The following GNAI1 variants were observed in gnomAD, a reference collection of about 807,000 sequenced individuals.
GNAI1 encodes guanine nucleotide-binding protein G(i) subunit alpha-1.
In GNAI1, 11 loss-of-function variants were observed where a neutral mutation model predicts 38.9. The ratio of observed to expected loss-of-function variants is 0.28; its 90% CI spans 0.18 to 0.47. The LOEUF (loss-of-function observed/expected upper bound fraction) is 0.47, where lower values mean the gene tolerates loss of function less well. Among genes scored for constraint, GNAI1 ranks in the 20% least tolerant of loss-of-function variants. GNAI1 has a pLI of 0.99. For synonymous variants in GNAI1, 166 were observed against 145.1 expected, an observed-to-expected ratio of 1.14 and a Z score of -1.04; for missense variants, 317 against 436.9, an observed-to-expected ratio of 0.73 and a Z score of 2.45.
rs554753608 is a variant in GNAI1, at chr7:80,157,277, TTTGA to T, written c.118+22002_118+22005del. 2.1e-4 allele frequency among the ~76,000 whole-genome samples: 32 copies of T among 152,320 alleles called. No individual in the cohort carries two copies. The South Asian group carries it at 6.6e-3, about 32-fold the overall frequency. ...CACTTAAGTTTCCTCTATGTCATAGTTTGATTATTTATTTTTAGAGCTGAATAAT... is the reference window on the plus strand; with the variant it reads ...CACTTAAGTTTCCTCTATGTCATAGTTTATTTATTTTTAGAGCTGAATAAT... On this transcript the variant is annotated intron_variant, in intron 1 of 7. Coordinates refer to ENST00000649796, the MANE Select transcript of GNAI1 (RefSeq NM_002069.6).
At chr7:80,148,281 G>A (rs1029588327) in intron 1 of GNAI1, among the ~76,000 whole-genome samples, 17 of 152,094 alleles carry the variant, frequency 1.1e-4, no homozygotes, top group African/African-American at 4.1e-4. Context: ...TCTCTGGAAG[G>A]TTGTCAACTG....
chr7:80,199,088 G>T (rs1196097028), intron 3 of GNAI1, 137 bp from the exon 4 acceptor site: 1 of 577,490 alleles, frequency 1.7e-6, no homozygotes, highest in East Asian at 2.9e-5. Flanking sequence ...CTTAGAGAAA[G>T]AAAAGTAATG....
chr7:80,216,226 G>A (rs1433819275), intron 7 of GNAI1, among the ~76,000 whole-genome samples: 2 of 150,576 alleles, frequency 1.3e-5, no homozygotes, highest in Admixed American at 6.6e-5. Context: ...AAAGGTTAAT[G>A]TACCAGTATC....
chr7:80,175,485 G>T (rs957707154), intron 1 of GNAI1, among the ~76,000 whole-genome samples: 1 of 151,186 alleles, frequency 6.6e-6, no homozygotes, highest in Admixed American at 6.6e-5. Context: ...AAGATAGACC[G>T]ATGGATTTAA....
chr7:80,202,904 C>G (rs895830714), intron 4 of GNAI1, among the ~76,000 whole-genome samples: 1 of 152,164 alleles, frequency 6.6e-6, no homozygotes, highest in South Asian at 2.1e-4. Context: ...AGTGTCATTC[C>G]TTTTCTTCCA....
intron 1 of GNAI1, among the ~76,000 whole-genome samples, chr7:80,147,802 C>G (rs567888851): frequency 2.0e-5 from 3 of 152,304 alleles, no homozygotes; most frequent in Middle Eastern, 3.4e-3. Context: ...ATAGCTTCTA[C>G]TTTCATCATA....
intron 1 of GNAI1, among the ~76,000 whole-genome samples, chr7:80,165,378 T>G (rs1161937537): frequency 6.6e-6 from 1 of 152,194 alleles, no homozygotes; most frequent in Non-Finnish European, 1.5e-5. Flanking sequence ...TTGTTCTTTC[T>G]TTGTCATTTA....
chr7:80,142,336 A>G (rs1321302963), intron 1 of GNAI1, among the ~76,000 whole-genome samples: 1 of 152,222 alleles, frequency 6.6e-6, no homozygotes, highest in African/African-American at 2.4e-5. Flanking sequence ...TAAAAGCACC[A>G]GTTTCTTACA....
chr7:80,175,761 A>G (rs746774502), intron 1 of GNAI1, among the ~76,000 whole-genome samples: 14 of 152,134 alleles, frequency 9.2e-5, no homozygotes, highest in East Asian at 1.9e-4. Flanking sequence ...CTCTGCCCAC[A>G]TAAGACAAAG....
intron 1 of GNAI1, among the ~76,000 whole-genome samples, chr7:80,181,969 G>T (rs1314420668): frequency 6.6e-6 from 1 of 152,014 alleles, no homozygotes; most frequent in Non-Finnish European, 1.5e-5. Context: ...ATGTACAGTG[G>T]ATCTCTACAA....
chr7:80,215,485 A>C (rs1788943358), intron 7 of GNAI1, among the ~76,000 whole-genome samples: 1 of 152,224 alleles, frequency 6.6e-6, no homozygotes, highest in Non-Finnish European at 1.5e-5. Flanking sequence ...GTTAAAATGT[A>C]AACTTAAAGA....
chr7:80,188,824 C>T (rs1284630179), intron 1 of GNAI1, 127 bp from the exon 2 acceptor site: 5 of 652,264 alleles, frequency 7.7e-6, no homozygotes, highest in Non-Finnish European at 1.1e-5. Flanking sequence ...CAAAATTCAG[C>T]TCTAAGAGGT....
At chr7:80,214,925 T>C (rs1182874619) in intron 7 of GNAI1, among the ~76,000 whole-genome samples, 2 of 152,184 alleles carry the variant, frequency 1.3e-5, no homozygotes, top group African/African-American at 2.4e-5. Flanking sequence ...GAGCCTTAGA[T>C]TTACATTAGC....
chr7:80,141,932 C>G (rs1400819146), intron 1 of GNAI1, among the ~76,000 whole-genome samples: 1 of 152,182 alleles, frequency 6.6e-6, no homozygotes, highest in African/African-American at 2.4e-5. Flanking sequence ...TAACATGTTT[C>G]ACCTTTCTTC....
Position 80,139,863 on chromosome 7 carries a change from T to C in GNAI1, c.118+4585T>C, listed in dbSNP as rs1444481633. Among the ~76,000 whole-genome samples, 4 of 152,064 alleles carry C rather than the reference T, an allele frequency of 2.6e-5. No homozygotes were observed. In the East Asian group the frequency reaches 7.7e-4, roughly 29 times the overall value. ...TTGAGAAAATGATAATGGATATTCA[T>C]TGGAGGAGGATCTGCTATGTTGCAA... On this transcript the variant is annotated intron_variant, in intron 1 of 7. Coordinates refer to ENST00000649796, the MANE Select transcript of GNAI1 (RefSeq NM_002069.6).
chr7:80,212,746 G>T lies in GNAI1; in HGVS notation c.751G>T (p.Asp251Tyr). The T allele has an allele frequency of 6.5e-7, 1 of 1,543,842 alleles. No homozygotes were observed. Among genetic ancestry groups the T allele is most frequent in the South Asian group, 1.3e-5 (1 of 76,598 alleles). Residue 251 changes from aspartate to tyrosine, a missense_variant, in exon 7 of 8, where the codon GAC becomes TAC. Around this residue, in one of 5 missense-constraint regions of GNAI1, gnomAD observed 158 missense variants for 234.7 expected, o/e 0.67. Coordinates refer to ENST00000649796, the MANE Select transcript of GNAI1 (RefSeq NM_002069.6). ...NRMHESMKLF[D>Y]SICNNKWFTD... ...AATGCATGAAAGCATGAAATTGTTT[G>T]ACAGCATATGTAACAACAAGTGGTT...
intron 1 of GNAI1, among the ~76,000 whole-genome samples, chr7:80,166,306 T>A (rs1342957427): frequency 1.3e-5 from 2 of 152,140 alleles, no homozygotes; most frequent in Non-Finnish European, 2.9e-5. Flanking sequence ...GTGATATGAG[T>A]GCTCATAGAC....
chr7:80,220,931 AC>A lies in GNAI1; in HGVS notation c.*3439del, dbSNP rs1299351165. Among the ~76,000 whole-genome samples the A allele has an allele frequency of 6.6e-6, 1 of 152,144 alleles. No homozygotes were observed. The highest frequency in any genetic ancestry group is 6.5e-5 in the Admixed American group (1 of 15,268). Reference sequence around the variant, plus strand: ...GTTTTTCAGATTTAAAAAAGGAGATACTTATTAATGTCTTTCATCAGAGCTA... The same window carrying A: ...GTTTTTCAGATTTAAAAAAGGAGATATTATTAATGTCTTTCATCAGAGCTA... On this transcript the variant is annotated 3_prime_UTR_variant, in exon 8 of 8. Coordinates refer to ENST00000649796, the MANE Select transcript of GNAI1 (RefSeq NM_002069.6).
At position 80,217,391 on chromosome 7, in the gene GNAI1, C is replaced by A. The variant is rs1318547678; in HGVS notation, c.963C>A (p.Thr321=). The A allele has an allele frequency of 6.2e-7, 1 of 1,603,154 alleles. No individual in the cohort carries two copies. Among genetic ancestry groups the A allele is most frequent in the Non-Finnish European group, 8.5e-7 (1 of 1,171,818 alleles). The change falls in exon 8 of 8, where the codon ACC becomes ACA. Residue 321 remains threonine (T), a synonymous_variant. Transcript: ENST00000649796. The part of the protein sequence containing the change: ...NKRKDTKEIY[T]HFTCATDTKN... The stretch of plus-strand genomic sequence containing the variant: ...GAAAGGACACAAAGGAAATATACAC[C>A]CACTTCACATGTGCCACAGATACTA...
Sources: gnomAD v4.1 joint callset for allele counts (sites outside exome capture counted in the v4.1 genomes callset) on GRCh38, gnomAD v4.1.1 for gene constraint, gnomAD v4.1.1 regional missense constraint, MANE v1.5 for transcripts, NCBI Gene and HGNC (gene_info 2026-07-23, HGNC 2026-07-21) for gene names.